Variants in NSMCE1 observed in about 807,000 individuals in gnomAD.
NSMCE1 encodes NSE1 component of SMC5/6 complex, also known as non-structural maintenance of chromosomes element 1 homolog.
A neutral mutation model predicts 29.6 loss-of-function variants in NSMCE1; 18 were observed. The observed-to-expected ratio is 0.61, with a 90% confidence interval of 0.42 to 0.90. NSMCE1 has a LOEUF of 0.90. Ranked by LOEUF, NSMCE1 falls within the 40% of genes least tolerant of loss-of-function variation. NSMCE1 has a pLI of 0.00. For missense variants in NSMCE1, 314 were observed against 343.6 expected (o/e 0.91, Z 0.68); for synonymous variants, 124 against 133.4 (o/e 0.93, Z 0.49).
intron 1 of NSMCE1, among the ~76,000 whole-genome samples, chr16:27,262,765 C>T (rs535259616): frequency 1.2e-3 from 184 of 152,262 alleles, no homozygotes; most frequent in African/African-American, 4.2e-3. Context: ...AACTTAAGAG[C>T]TTCTGCACAG....
chr16:27,264,335 T>G (rs1455459168), intron 1 of NSMCE1, among the ~76,000 whole-genome samples: 1 of 152,212 alleles, frequency 6.6e-6, no homozygotes, highest in African/African-American at 2.4e-5. Context: ...ATTGCACCAC[T>G]GCATTCCAGC....
chr16:27,251,207 T>TATATATATATATATATATATAA (rs1555477430), intron 2 of NSMCE1, among the ~76,000 whole-genome samples: 2 of 70,766 alleles, frequency 2.8e-5, no homozygotes, highest in Admixed American at 1.3e-4. Context: ...TATATATATA[T>TATATATATATATATATATATAA]AAAACTCTGT....
At chr16:27,247,035 T>C (rs113807948) in intron 2 of NSMCE1, among the ~76,000 whole-genome samples, 3 of 151,526 alleles carry the variant, frequency 2.0e-5, no homozygotes, top group African/African-American at 7.4e-5. Flanking sequence ...AAATAGCACA[T>C]GTGGCTACTG....
intron 2 of NSMCE1, among the ~76,000 whole-genome samples, chr16:27,242,890 G>A (rs1408270655): frequency 1.3e-5 from 2 of 152,212 alleles, no homozygotes; most frequent in Non-Finnish European, 2.9e-5. Context: ...TGCAGGGGAC[G>A]GGAGAGAGGC....
intron 1 of NSMCE1, among the ~76,000 whole-genome samples, chr16:27,260,801 G>A (rs953439250): frequency 1.4e-5 from 2 of 147,232 alleles, no homozygotes; most frequent in Non-Finnish European, 3.0e-5. Flanking sequence ...CGAGGCTGCA[G>A]TGAACCGTGA....
At chr16:27,231,319 A>T (rs1162438655) in intron 5 of NSMCE1, among the ~76,000 whole-genome samples, 7 of 152,210 alleles carry the variant, frequency 4.6e-5, no homozygotes, top group African/African-American at 1.7e-4. Context: ...AGCCATGAAG[A>T]GGTCATAACC....
At chr16:27,239,265 C>T (rs1406513905) in intron 2 of NSMCE1, among the ~76,000 whole-genome samples, 2 of 152,188 alleles carry the variant, frequency 1.3e-5, no homozygotes, top group East Asian at 1.9e-4. Context: ...TGCACCAGAT[C>T]GCTGCTTCCC....
At chr16:27,243,124 G>A (rs1181821586) in intron 2 of NSMCE1, among the ~76,000 whole-genome samples, 1 of 152,238 alleles carries the variant, frequency 6.6e-6, no homozygotes, top group Non-Finnish European at 1.5e-5. Flanking sequence ...CCGAGTGCCC[G>A]AGTTTTGGGT....
Position 27,261,650 on chromosome 16 carries a change from T to A in NSMCE1, c.-11-4069A>T, listed in dbSNP as rs367986038. The stretch of plus-strand genomic sequence containing the variant: ...TTCTACCAAATAGTCTAAAAACAAA[T>A]AATTTCAAATGTTACACAATCGCAG... On this transcript the variant is annotated intron_variant, in intron 1 of 7. Transcript: ENST00000361439. Among the ~76,000 whole-genome samples, 83 of 152,202 alleles carry A rather than the reference T, an allele frequency of 5.5e-4. 1 individual carries two copies. Among genetic ancestry groups the A allele is most frequent in the African/African-American group, 2.0e-3 (81 of 41,538 alleles).
chr16:27,226,571 T>G (rs2140983756), intron 6 of NSMCE1, 149 bp downstream of exon 6: 1 of 604,310 alleles, frequency 1.7e-6, no homozygotes. Flanking sequence ...TGACACGTCC[T>G]GGGAGATGGC....
At chr16:27,229,568 C>T (rs906705395) in intron 5 of NSMCE1, among the ~76,000 whole-genome samples, 2 of 152,124 alleles carry the variant, frequency 1.3e-5, no homozygotes, top group Admixed American at 6.6e-5. Flanking sequence ...GCAGGAGCTG[C>T]ATTTATTTTT....
intron 7 of NSMCE1, 88 bp from the exon 8 acceptor site, chr16:27,225,324 G>A (rs1480406833): frequency 2.5e-6 from 2 of 796,494 alleles, no homozygotes; most frequent in African/African-American, 1.7e-5. Context: ...TACGTCTCCT[G>A]TGCCAAGGAC....
chr16:27,231,881 A>T (rs1286883240), intron 5 of NSMCE1, among the ~76,000 whole-genome samples: 1 of 152,112 alleles, frequency 6.6e-6, no homozygotes, highest in Non-Finnish European at 1.5e-5. Flanking sequence ...TAAGCTATGG[A>T]GCCACTGCAG....
intron 2 of NSMCE1, among the ~76,000 whole-genome samples, chr16:27,238,038 G>A (rs759428641): frequency 5.3e-5 from 8 of 152,072 alleles, no homozygotes; most frequent in Admixed American, 3.3e-4. Flanking sequence ...GAGGCCCCGC[G>A]CCCTTGCAGC....
intron 2 of NSMCE1, among the ~76,000 whole-genome samples, chr16:27,245,703 G>C (rs1009020053): frequency 2.0e-5 from 3 of 152,140 alleles, no homozygotes; most frequent in Admixed American, 6.5e-5. Context: ...GAAATTCATC[G>C]AGTCACACGT....
intron 2 of NSMCE1, among the ~76,000 whole-genome samples, chr16:27,250,759 C>G (rs760176451): frequency 9.9e-5 from 15 of 150,954 alleles, no homozygotes; most frequent in South Asian, 4.2e-4. Flanking sequence ...CACCACTGCA[C>G]TCCAGCCTGG....
intron 2 of NSMCE1, among the ~76,000 whole-genome samples, chr16:27,253,426 G>C (rs2084054553): frequency 6.6e-6 from 1 of 152,190 alleles, no homozygotes; most frequent in African/African-American, 2.4e-5. Context: ...CAAGTGTCAA[G>C]AGAAAAAGAA....
At chr16:27,255,798 C>CT (rs1231890588) in intron 2 of NSMCE1, among the ~76,000 whole-genome samples, 4 of 152,252 alleles carry the variant, frequency 2.6e-5, no homozygotes, top group Non-Finnish European at 4.4e-5. Flanking sequence ...GCTTTGAACT[C>CT]TAACATGCTG....
chr16:27,246,734 C>T (rs1330777553), intron 2 of NSMCE1, among the ~76,000 whole-genome samples: 1 of 152,176 alleles, frequency 6.6e-6, no homozygotes, highest in Non-Finnish European at 1.5e-5. Context: ...GAGTGATCCA[C>T]CTGCTGCAGC....
Sources: allele counts gnomAD v4.1 joint callset (sites outside exome capture counted in the v4.1 genomes callset), GRCh38; gene constraint gnomAD v4.1.1; transcripts MANE v1.5; gene names NCBI Gene and HGNC (gene_info 2026-07-23, HGNC 2026-07-21).